RGL1: variants seen among roughly 807,000 people sequenced by gnomAD.
RGL1 encodes ral guanine nucleotide dissociation stimulator like 1.
In RGL1, 24 loss-of-function variants were observed where a neutral mutation model predicts 95.2. The observed-to-expected ratio is 0.25, with a 90% CI of 0.18 to 0.35. RGL1 has a LOEUF of 0.35. Among genes scored for constraint, RGL1 ranks in the 10% least tolerant of loss-of-function variants. The pLI, the probability that RGL1 is intolerant of heterozygous loss-of-function variation, is 1.00. For missense variants in RGL1, 715 were observed against 936.3 expected (o/e 0.76, Z 3.08); for synonymous variants, 329 against 344.9 (o/e 0.95, Z 0.51).
intron 3 of RGL1, among the ~76,000 whole-genome samples, chr1:183,849,909 T>C (rs906284570): frequency 2.6e-5 from 4 of 152,178 alleles, no homozygotes; most frequent in African/African-American, 7.2e-5. Context: ...TGGGTCAAAG[T>C]ATATCAGCAT....
chr1:183,660,953 G>A (rs1427185875), intron 1 of RGL1, among the ~76,000 whole-genome samples: 1 of 152,194 alleles, frequency 6.6e-6, no homozygotes, highest in East Asian at 1.9e-4. Context: ...GCTCTTGAAT[G>A]ACTACTGGGT....
intron 3 of RGL1, among the ~76,000 whole-genome samples, chr1:183,854,900 T>C (rs11810775): frequency 0.098 from 14,890 of 152,230 alleles, 831 homozygotes; most frequent in African/African-American, 0.14. Context: ...ATTTGTAGTA[T>C]AGTGGCTGAA....
At chr1:183,640,649 C>T (rs536121006) in intron 1 of RGL1, among the ~76,000 whole-genome samples, 1 of 152,056 alleles carries the variant, frequency 6.6e-6, no homozygotes, top group East Asian at 1.9e-4. Flanking sequence ...CATATTTATC[C>T]TGTATTCTTT....
intron 1 of RGL1, among the ~76,000 whole-genome samples, chr1:183,666,451 C>G (rs1652044696): frequency 6.6e-6 from 1 of 151,960 alleles, no homozygotes; most frequent in Non-Finnish European, 1.5e-5. Flanking sequence ...ATTCTTTGAC[C>G]TATGTATTAT....
At chr1:183,783,453 T>C (rs10911436) in intron 2 of RGL1, among the ~76,000 whole-genome samples, 66,358 of 152,026 alleles carry the variant, frequency 0.44, 15,606 homozygotes, top group East Asian at 0.76. Context: ...CTTAAGTCCA[T>C]AGGGACAGGA....
At chr1:183,803,089 A>T (rs543066616), upstream of RGL1, among the ~76,000 whole-genome samples, 3 of 152,358 alleles carry the variant, frequency 2.0e-5, no homozygotes, top group African/African-American at 7.2e-5. Context: ...CTTTTTTTGC[A>T]GAACAGCATT....
chr1:183,808,972 C>T (rs1056834080), intron 2 of RGL1, among the ~76,000 whole-genome samples: 5 of 152,190 alleles, frequency 3.3e-5, no homozygotes, highest in Non-Finnish European at 7.4e-5. Flanking sequence ...TGTGCTTTTC[C>T]CTAATGTTGC....
chr1:183,651,447 T>C (rs1368533578), intron 1 of RGL1, among the ~76,000 whole-genome samples: 1 of 152,234 alleles, frequency 6.6e-6, no homozygotes, highest in African/African-American at 2.4e-5. Flanking sequence ...CATCAGCTCA[T>C]TCATTGCTGT....
Position 183,925,506 on chromosome 1 carries a change from T to C in RGL1, c.2120-599T>C, listed in dbSNP as rs531506411. ...AGTAAAATACTATAAAATAAAGATATGCACGTTCAGCACATGTATCCCAAA... is the reference window on the plus strand; with the variant it reads ...AGTAAAATACTATAAAATAAAGATACGCACGTTCAGCACATGTATCCCAAA... On this transcript the variant is annotated intron_variant, in intron 17 of 17. Transcript: ENST00000360851. 4.6e-5 allele frequency among the ~76,000 whole-genome samples: 7 copies of C among 152,202 alleles called. No individual in the cohort carries two copies. The South Asian group carries it at 1.5e-3, about 32-fold the overall frequency.
At position 183,867,902 on chromosome 1, in the gene RGL1, C is replaced by T. The variant is rs1665935040; in HGVS notation, c.425+1829C>T. Among the ~76,000 whole-genome samples, 7 of 152,172 alleles carry T rather than the reference C, an allele frequency of 4.6e-5. No homozygotes were observed. The South Asian group carries it at 1.2e-3, about 27-fold the overall frequency. ...GAGCTAGGGATGTGAAAGTAGAAAG[C>T]TGAGTATCTTTTTTAACTCCTGAGT... On this transcript the variant is annotated intron_variant, in intron 4 of 17. Coordinates refer to ENST00000360851, the MANE Select transcript of RGL1 (RefSeq NM_001297671.3).
At chr1:183,805,996 T>TTTTTTTTTTTTTTTTTTTTTTC (rs1661301000) in intron 1 of RGL1, among the ~76,000 whole-genome samples, 3 of 81,646 alleles carry the variant, frequency 3.7e-5, no homozygotes, top group Non-Finnish European at 7.0e-5. Flanking sequence ...TTTTTTTTTT[T>TTTTTTTTTTTTTTTTTTTTTTC]TTTTTTTTTT....
At chr1:183,657,689 G>A (rs377142552) in intron 1 of RGL1, among the ~76,000 whole-genome samples, 8,895 of 148,290 alleles carry the variant, frequency 0.06, 382 homozygotes, top group African/African-American at 0.14. Context: ...CCAGTCTATC[G>A]TTGTTGGACA....
intron 1 of RGL1, among the ~76,000 whole-genome samples, chr1:183,669,869 C>A (rs1652321400): frequency 6.6e-6 from 1 of 152,076 alleles, no homozygotes; most frequent in African/African-American, 2.4e-5. Context: ...GGGGGAAAAA[C>A]CCCTTATAAA....
chr1:183,854,122 A>G (rs1664993626), intron 3 of RGL1, among the ~76,000 whole-genome samples: 2 of 152,238 alleles, frequency 1.3e-5, no homozygotes, highest in African/African-American at 4.8e-5. Flanking sequence ...ATACATTTAT[A>G]TAATTAAAAT....
intron 1 of RGL1, among the ~76,000 whole-genome samples, chr1:183,712,761 C>A (rs533975176): frequency 2.0e-4 from 31 of 152,312 alleles, no homozygotes; most frequent in African/African-American, 7.5e-4. Flanking sequence ...ACCTTAATCC[C>A]AGCTCCTAAA....
chr1:183,913,028 G>A (rs1298455223), intron 15 of RGL1, among the ~76,000 whole-genome samples: 3 of 152,060 alleles, frequency 2.0e-5, no homozygotes, highest in Non-Finnish European at 4.4e-5. Context: ...ATGAGGGATT[G>A]GTAACAAGGA....
chr1:183,853,024 T>C (rs551654832), intron 3 of RGL1, among the ~76,000 whole-genome samples: 2 of 152,244 alleles, frequency 1.3e-5, no homozygotes, highest in East Asian at 3.9e-4. Context: ...TTCTGTGTTA[T>C]GCACTCTAAT....
chr1:183,821,802 C>A (rs767064935), intron 2 of RGL1, among the ~76,000 whole-genome samples: 2 of 152,068 alleles, frequency 1.3e-5, no homozygotes, highest in East Asian at 3.8e-4. Context: ...ACTTGCTTCT[C>A]GGAGACTTTT....
chr1:183,845,051 G>A (rs1339985109), intron 2 of RGL1, among the ~76,000 whole-genome samples: 1 of 152,202 alleles, frequency 6.6e-6, no homozygotes, highest in Non-Finnish European at 1.5e-5. Context: ...CAGGCCAGGT[G>A]AAGGAAAAGC....
Sources: gnomAD v4.1 joint callset for allele counts (sites outside exome capture counted in the v4.1 genomes callset) on GRCh38, gnomAD v4.1.1 for gene constraint, MANE v1.5 for transcripts, NCBI Gene and HGNC (gene_info 2026-07-23, HGNC 2026-07-21) for gene names.